AQP5: variants seen among roughly 807,000 people sequenced by gnomAD.
AQP5 encodes the protein aquaporin-5.
Under a neutral mutation model 19.1 loss-of-function variants are expected in AQP5, and 15 were observed. That is an observed-to-expected ratio of 0.79 (90% CI 0.53 to 1.21). The LOEUF (loss-of-function observed/expected upper bound fraction) is 1.21, where lower values mean the gene tolerates loss of function less well. Among genes scored for constraint, AQP5 ranks in the 50% most tolerant of loss-of-function variants. The pLI is 0.00. For missense variants in AQP5, 355 were observed against 357.1 expected, an observed-to-expected ratio of 0.99 and a Z score of 0.05; for synonymous variants, 182 against 160.3, an observed-to-expected ratio of 1.14 and a Z score of -1.02.
chr12:49,963,399 T>TA, intron 1 of AQP5, 93 bp from the exon 2 acceptor site: 1 of 1,531,868 alleles, frequency 6.5e-7, no homozygotes, highest in East Asian at 2.3e-5. Context: ...CAAGGTGCTC[T>TA]AAGTGTCCCT....
rs376989326 is a variant in AQP5, at chr12:49,964,112, C to T, written c.549C>T (p.Ser183=). 2 of 1,614,154 alleles carry T rather than the reference C, an allele frequency of 1.2e-6. No homozygotes were observed. Among genetic ancestry groups the T allele is most frequent in the African/African-American group, 1.3e-5 (1 of 75,054 alleles). The change falls in exon 3 of 4, where the codon TCC becomes TCT. Residue 183 remains serine, a synonymous_variant. Coordinates refer to ENST00000293599, the MANE Select transcript of AQP5 (RefSeq NM_001651.4). ...TCCAGATCTACTTCACTGGCTGCTCCATGAACCCAGCCCGCTCTTTTGGCC... is the reference window on the plus strand; with the variant it reads ...TCCAGATCTACTTCACTGGCTGCTCTATGAACCCAGCCCGCTCTTTTGGCC... The part of the protein sequence containing the change: ...HLVGIYFTGC[S]MNPARSFGPA...
chr12:49,962,503 G>T, intron 1 of AQP5, 123 bp downstream of exon 1: 1 of 1,427,080 alleles, frequency 7.0e-7, no homozygotes, highest in South Asian at 1.5e-5. Flanking sequence ...TCACCAGGAA[G>T]GCAAGAGCCT....
chr12:49,961,895 G>T lies in AQP5; in HGVS notation c.-123G>T. 1 of 451,300 alleles carries T rather than the reference G, an allele frequency of 2.2e-6. No homozygotes were observed. The highest frequency in any genetic ancestry group is 3.0e-6 in the Non-Finnish European group (1 of 328,490). The allele number at this position is 451,300 out of a possible 1,614,324, so 28.0% of individuals were successfully genotyped here. ...CCAGGCCGCCAGCCTCGGAGTGGGCGCGGGACAGTGCGCGGCGCCCCGCAG... is the reference window on the plus strand; with the variant it reads ...CCAGGCCGCCAGCCTCGGAGTGGGCTCGGGACAGTGCGCGGCGCCCCGCAG... On this transcript the variant is annotated 5_prime_UTR_variant, in exon 1 of 4. Transcript: ENST00000293599.
rs1308530304 is a variant in AQP5, at chr12:49,964,118, C to G, written c.555C>G (p.Asn185Lys). The change falls in exon 3 of 4, where the codon AAC becomes AAG. Residue 185 changes from asparagine (N) to lysine (K), a missense_variant. Asn to Lys is a moderately conservative substitution (Grantham distance 94). Coordinates refer to ENST00000293599, the MANE Select transcript of AQP5 (RefSeq NM_001651.4). ...TCTACTTCACTGGCTGCTCCATGAA[C>G]CCAGCCCGCTCTTTTGGCCCTGCGG... Reference protein sequence around the residue: ...VGIYFTGCSMNPARSFGPAVV... With the variant: ...VGIYFTGCSMKPARSFGPAVV... The G allele has an allele frequency of 1.2e-6, 2 of 1,614,082 alleles. No individual in the cohort carries two copies. The highest frequency in any genetic ancestry group is 1.7e-6 in the Non-Finnish European group (2 of 1,180,040).
intron 2 of AQP5, 146 bp from the exon 3 acceptor site, chr12:49,963,946 G>A: frequency 1.2e-6 from 1 of 863,996 alleles, no homozygotes; most frequent in African/African-American, 1.7e-5. Flanking sequence ...TAACCAAGCA[G>A]CTGGGATCCT....
At position 49,965,326 on chromosome 12, in the gene AQP5, A is replaced by G; in HGVS notation, c.*149A>G. On this transcript the variant is annotated 3_prime_UTR_variant, in exon 4 of 4. Coordinates refer to ENST00000293599, the MANE Select transcript of AQP5 (RefSeq NM_001651.4). ...CCCTGGCTGCACAGTTAGAGAGGGG[A>G]GAAGGAACCCATGATGGGACTCCTG... 5.1e-6 allele frequency: 5 copies of G among 985,690 alleles called. No homozygotes were observed. Among genetic ancestry groups the G allele is most frequent in the Non-Finnish European group, 7.2e-6 (5 of 696,350 alleles). The allele number at this position is 985,690 out of a possible 1,614,324, so 61.1% of individuals were successfully genotyped here.
intron 3 of AQP5, 123 bp downstream of exon 3, chr12:49,964,298 T>G: frequency 2.0e-6 from 2 of 1,023,412 alleles, no homozygotes; most frequent in Non-Finnish European, 2.9e-6. Context: ...CACGGAGTGG[T>G]GGCTGACAGA....
At chr12:49,963,819 C>A (rs1443461457) in intron 2 of AQP5, 163 bp downstream of exon 2, 1 of 1,058,428 alleles carries the variant, frequency 9.4e-7, no homozygotes. Context: ...CAGAATTGAT[C>A]CCCCCAAAAC....
At position 49,963,889 on chromosome 12, in the gene AQP5, A is replaced by G. The variant is rs74091168; in HGVS notation, c.529-203A>G. The G allele has an allele frequency of 1.7e-3, 1,267 of 760,568 alleles. 17 individuals carry two copies. In the African/African-American group the frequency reaches 0.02, roughly 12 times the overall value. The allele number at this position is 760,568 out of a possible 1,614,324, so 47.1% of individuals were successfully genotyped here. ...GTGGGATGGGACAGGAATCAAACCC[A>G]ACCTCAGAGCAGAGAAGAGAGGAGG... is the stretch of plus-strand genomic sequence containing the variant. On this transcript the variant is annotated intron_variant, in intron 2 of 3. Transcript: ENST00000293599.
rs757913702 is a variant in AQP5 at position 49,962,124 on chromosome 12, C to A, written c.107C>A (p.Pro36Gln). Residue 36 changes from proline to glutamine, a missense_variant, in exon 1 of 4, where the codon CCG (proline) becomes CAG (glutamine). Coordinates refer to ENST00000293599, the MANE Select transcript of AQP5 (RefSeq NM_001651.4). ...GGCCTGGGCTCGGCCCTCAAGTGGC[C>A]GTCGGCGCTGCCTACCATCCTGCAG... is the stretch of plus-strand genomic sequence containing the variant. ...FFGLGSALKWPSALPTILQIA... is the reference protein window; with the variant it reads ...FFGLGSALKWQSALPTILQIA... The A allele has an allele frequency of 4.3e-6, 7 of 1,613,286 alleles. No homozygotes were observed. Among genetic ancestry groups the A allele is most frequent in the African/African-American group, 1.3e-5 (1 of 74,920 alleles).
In AQP5 at chr12:49,965,270, G is replaced by A. The variant is rs1947477809; in HGVS notation, c.*93G>A. On this transcript the variant is annotated 3_prime_UTR_variant, in exon 4 of 4. Transcript: ENST00000293599. ...CACAAGCTTCCTTTTTGCACAACCGGTCCTCTTGGCTGAGGAGGAGGAGCT... is the reference window on the plus strand; with the variant it reads ...CACAAGCTTCCTTTTTGCACAACCGATCCTCTTGGCTGAGGAGGAGGAGCT... The A allele has an allele frequency of 1.4e-6, 2 of 1,391,644 alleles. No individual in the cohort carries two copies. The highest frequency in any genetic ancestry group is 1.5e-5 in the South Asian group (1 of 66,728). The allele number at this position is 1,391,644 out of a possible 1,614,324, so 86.2% of individuals were successfully genotyped here.
chr12:49,965,012 C>T lies in AQP5; in HGVS notation c.633C>T (p.Ile211=), dbSNP rs772551548. 4.3e-6 allele frequency: 7 copies of T among 1,613,574 alleles called. No individual in the cohort carries two copies. Among genetic ancestry groups the T allele is most frequent in the East Asian group, 2.2e-5 (1 of 44,866 alleles). ...PAHWVFWVGP[I]VGAVLAAILY... is the part of the protein sequence containing the mutation. ...ACCAGGTTTTCTGGGTAGGGCCCAT[C>T]GTGGGGGCGGTCCTGGCTGCCATCC... is the stretch of plus-strand genomic sequence containing the variant. The change falls in exon 4 of 4, where the codon ATC becomes ATT. Residue 211 remains isoleucine (I), a synonymous_variant. Transcript: ENST00000293599.
At position 49,964,733 on chromosome 12, in the gene AQP5, T is replaced by C. The variant is rs72644877; in HGVS notation, c.613-259T>C. ...TTATTTGCTTCTCTTTCCGGTGTGG[T>C]TGGAGGGAGCCTGTCCCTCTGGGAA... On this transcript the variant is annotated intron_variant, in intron 3 of 3. Transcript: ENST00000293599. 3.5e-4 allele frequency: 340 copies of C among 985,388 alleles called. 4 individuals carry two copies. The East Asian group carries it at 0.024, about 71-fold the overall frequency. The allele number at this position is 985,388 out of a possible 1,614,324, so 61.0% of individuals were successfully genotyped here.
intron 3 of AQP5, among the ~76,000 whole-genome samples, chr12:49,964,447 C>G (rs902531062): frequency 6.6e-6 from 1 of 152,062 alleles, no homozygotes; most frequent in Admixed American, 6.5e-5. Context: ...TGCAGAGGGG[C>G]TCTGTGTCAA....
Position 49,963,581 on chromosome 12 carries a change from C to T in AQP5, c.453C>T (p.Asp151=), listed in dbSNP as rs1167647247. The change falls in exon 2 of 4, where the codon GAC becomes GAT. Residue 151 remains aspartate (D), a synonymous_variant. Coordinates refer to ENST00000293599, the MANE Select transcript of AQP5 (RefSeq NM_001651.4). ...CACTCTGCATCTTCGCCTCCACTGACTCCCGCCGCACCAGCCCTGTGGGCT... is the reference window on the plus strand; with the variant it reads ...CACTCTGCATCTTCGCCTCCACTGATTCCCGCCGCACCAGCCCTGTGGGCT... ...QLALCIFAST[D]SRRTSPVGSP... 1.9e-6 allele frequency: 3 copies of T among 1,613,708 alleles called. No individual in the cohort carries two copies. The highest frequency in any genetic ancestry group is 3.3e-5 in the Admixed American group (2 of 60,034).
intron 3 of AQP5, among the ~76,000 whole-genome samples, chr12:49,964,399 C>T (rs1055215394): frequency 1.3e-5 from 2 of 152,082 alleles, no homozygotes; most frequent in African/African-American, 4.8e-5. Context: ...GTCTGAGTAT[C>T]TATCCGCTTA....
At position 49,965,284 on chromosome 12, in the gene AQP5, G is replaced by T; in HGVS notation, c.*107G>T. ...TTGCACAACCGGTCCTCTTGGCTGAGGAGGAGGAGCTGGTCACCCTGGCTG... is the reference window on the plus strand; with the variant it reads ...TTGCACAACCGGTCCTCTTGGCTGATGAGGAGGAGCTGGTCACCCTGGCTG... On this transcript the variant is annotated 3_prime_UTR_variant, in exon 4 of 4. Coordinates refer to ENST00000293599, the MANE Select transcript of AQP5 (RefSeq NM_001651.4). The T allele has an allele frequency of 7.6e-7, 1 of 1,319,718 alleles. No individual in the cohort carries two copies. Among genetic ancestry groups the T allele is most frequent in the Non-Finnish European group, 1.0e-6 (1 of 994,536 alleles). 81.8% of individuals were successfully genotyped at this position (1,319,718 alleles called of 1,614,324 possible).
intron 1 of AQP5, 51 bp downstream of exon 1, chr12:49,962,431 G>A: frequency 1.5e-6 from 2 of 1,371,028 alleles, no homozygotes; most frequent in Non-Finnish European, 1.9e-6. Context: ...GTGGGCTCAG[G>A]ACCAGGCCTC....
rs766230519 is a variant in AQP5 at position 49,962,399 on chromosome 12, G to C, written c.363+19G>C. 3.8e-6 allele frequency: 5 copies of C among 1,331,546 alleles called. No individual in the cohort carries two copies. Among genetic ancestry groups the C allele is most frequent in the African/African-American group, 1.5e-5 (1 of 67,986 alleles). 82.5% of individuals were successfully genotyped at this position (1,331,546 alleles called of 1,614,324 possible). A position where few individuals can be genotyped will look rare whatever the true frequency, so the allele number is the denominator to read the frequency against. On this transcript the variant is annotated intron_variant, in intron 1 of 3. Coordinates refer to ENST00000293599, the MANE Select transcript of AQP5 (RefSeq NM_001651.4). ...CAACGCGGTGAGTGCCCTGGGGGGGGGGTGGGAGCCTCGACCCTGGGGTGG... is the reference window on the plus strand; with the variant it reads ...CAACGCGGTGAGTGCCCTGGGGGGGCGGTGGGAGCCTCGACCCTGGGGTGG...
Sources: allele counts gnomAD v4.1 joint callset (sites outside exome capture counted in the v4.1 genomes callset), GRCh38; gene constraint gnomAD v4.1.1; transcripts MANE v1.5; gene names NCBI Gene and HGNC (gene_info 2026-07-23, HGNC 2026-07-21).